MEGF11: variants seen among roughly 807,000 people sequenced by gnomAD.
The protein encoded by MEGF11 is multiple EGF like domains 11.
In MEGF11, 126 loss-of-function variants were observed where a neutral mutation model predicts 146.6. That is an observed-to-expected ratio of 0.86 (90% CI 0.74 to 1.00). The LOEUF is 1.00. MEGF11 is among the 50% of genes least tolerant of loss of function. The probability of loss-of-function intolerance (pLI) is 0.00; values close to 1 mark genes in which losing one functional copy is unlikely to be tolerated. For missense variants in MEGF11, 1,509 were observed against 1,521.2 expected, an observed-to-expected ratio of 0.99 and a Z score of 0.13; for synonymous variants, 532 against 583.4, an observed-to-expected ratio of 0.91 and a Z score of 1.27.
At chr15:66,055,860 G>A (rs1270572607) in intron 5 of MEGF11, among the ~76,000 whole-genome samples, 2 of 152,116 alleles carry the variant, frequency 1.3e-5, no homozygotes, top group Non-Finnish European at 2.9e-5. Flanking sequence ...CATCTCTCTC[G>A]TAGAGACTGG....
At chr15:65,935,304 A>C (rs1253632143) in intron 10 of MEGF11, among the ~76,000 whole-genome samples, 1 of 127,796 alleles carries the variant, frequency 7.8e-6, no homozygotes, top group Non-Finnish European at 1.6e-5. Flanking sequence ...TGGGTGACAG[A>C]GCGAGACTCC....
chr15:66,188,244 T>TGA (rs2090766098), intron 1 of MEGF11, among the ~76,000 whole-genome samples: 1 of 152,058 alleles, frequency 6.6e-6, no homozygotes, highest in Admixed American at 6.6e-5. Flanking sequence ...TATATATATA[T>TGA]GAGAGAGAGA....
At chr15:65,986,703 A>G (rs1265163233) in intron 5 of MEGF11, among the ~76,000 whole-genome samples, 2 of 151,532 alleles carry the variant, frequency 1.3e-5, no homozygotes, top group East Asian at 1.9e-4. Context: ...ACTCTTACCA[A>G]TTTGGCCTTG....
chr15:66,093,155 T>G (rs1039589315), intron 5 of MEGF11, among the ~76,000 whole-genome samples: 27 of 151,556 alleles, frequency 1.8e-4, no homozygotes, highest in African/African-American at 6.3e-4. Flanking sequence ...CATTAGGGGG[T>G]TTCTTGGATA....
Position 65,898,836 on chromosome 15 carries a change from T to C in MEGF11, c.3154A>G (p.Lys1052Glu). 2 of 1,614,028 alleles carry C rather than the reference T, an allele frequency of 1.2e-6. No individual in the cohort carries two copies. Among genetic ancestry groups the C allele is most frequent in the Non-Finnish European group, 1.7e-6 (2 of 1,179,882 alleles). The change falls in exon 25 of 26, where the codon AAG becomes GAG. Residue 1052 changes from lysine to glutamate, a missense_variant. By Grantham distance (56) the Lys-to-Glu change is moderately conservative (BLOSUM62 1). Transcript: ENST00000395614. ...TIKDPPILTC[K>E]LPESSYVEMK... is the part of the protein sequence containing the mutation. The stretch of plus-strand genomic sequence containing the variant: ...TCTACATAGCTGCTTTCTGGAAGCT[T>C]GCAGGTGAGGATGGGTGGGTCCTTA...
intron 1 of MEGF11, among the ~76,000 whole-genome samples, chr15:66,208,076 CTG>C (rs1435786123): frequency 6.8e-6 from 1 of 147,032 alleles, no homozygotes; most frequent in Admixed American, 6.8e-5. Context: ...CAGAGTGAGA[CTG>C]TGCCTCAGAA....
At chr15:65,954,081 G>A (rs147912968) in intron 10 of MEGF11, among the ~76,000 whole-genome samples, 1,646 of 152,194 alleles carry the variant, frequency 0.011, 33 homozygotes, top group African/African-American at 0.038. Flanking sequence ...TCCTCCCATC[G>A]TTCAGATAGG....
intron 5 of MEGF11, among the ~76,000 whole-genome samples, chr15:66,073,317 G>A (rs368088344): frequency 7.9e-5 from 12 of 152,194 alleles, no homozygotes; most frequent in African/African-American, 2.9e-4. Context: ...GATGGGCGGT[G>A]GAAGTGGCTG....
intron 1 of MEGF11, among the ~76,000 whole-genome samples, chr15:66,162,825 A>G (rs2089989128): frequency 6.6e-6 from 1 of 152,208 alleles, no homozygotes; most frequent in Non-Finnish European, 1.5e-5. Context: ...AAAGTAAGAA[A>G]AAATTTTTTC....
chr15:66,042,329 C>T (rs574029101), intron 5 of MEGF11, among the ~76,000 whole-genome samples: 137 of 152,152 alleles, frequency 9.0e-4, no homozygotes, highest in Non-Finnish European at 1.6e-3. Flanking sequence ...AGGCTAGTCT[C>T]GAACTCCTGG....
intron 5 of MEGF11, among the ~76,000 whole-genome samples, chr15:66,049,314 G>A: frequency 6.6e-6 from 1 of 152,184 alleles, no homozygotes; most frequent in South Asian, 2.1e-4. Flanking sequence ...CGTACCTGGG[G>A]CTCCTGGGTC....
chr15:65,937,939 C>T (rs895045816), intron 10 of MEGF11, among the ~76,000 whole-genome samples: 1 of 152,228 alleles, frequency 6.6e-6, no homozygotes, highest in African/African-American at 2.4e-5. Context: ...AGCTGGGAAC[C>T]ACTGGCTATG....
chr15:66,229,494 T>C (rs8038807), intron 1 of MEGF11, among the ~76,000 whole-genome samples: 42,523 of 152,152 alleles, frequency 0.28, 6,351 homozygotes, highest in Non-Finnish European at 0.35. Context: ...TCTCTTGGCT[T>C]ACATGTTTTC....
intron 5 of MEGF11, among the ~76,000 whole-genome samples, chr15:66,088,322 A>C (rs969009701): frequency 2.6e-5 from 4 of 152,218 alleles, no homozygotes; most frequent in Admixed American, 1.3e-4. Flanking sequence ...ATTCATTCTA[A>C]AGCCAGCATC....
chr15:66,038,823 C>T (rs909591009), intron 5 of MEGF11, among the ~76,000 whole-genome samples: 1 of 152,178 alleles, frequency 6.6e-6, no homozygotes, highest in Non-Finnish European at 1.5e-5. Flanking sequence ...TCACCTGGGT[C>T]TCACTGGCAT....
At chr15:66,097,737 C>A in intron 4 of MEGF11, among the ~76,000 whole-genome samples, 1 of 99,096 alleles carries the variant, frequency 1.0e-5, no homozygotes. Context: ...AGCGAGACTC[C>A]ATCTCAAAAA....
intron 1 of MEGF11, among the ~76,000 whole-genome samples, chr15:66,200,967 G>A (rs779190219): frequency 6.6e-6 from 1 of 151,980 alleles, no homozygotes; most frequent in Non-Finnish European, 1.5e-5. Flanking sequence ...GAAGTATTCA[G>A]ACACGAGCCC....
At chr15:66,134,473 G>A (rs889931788) in intron 1 of MEGF11, among the ~76,000 whole-genome samples, 1 of 151,926 alleles carries the variant, frequency 6.6e-6, no homozygotes, top group Non-Finnish European at 1.5e-5. Flanking sequence ...CTCCCCACCC[G>A]CAATCTGCCC....
At chr15:66,014,373 G>A (rs1458798362) in intron 5 of MEGF11, among the ~76,000 whole-genome samples, 1 of 152,218 alleles carries the variant, frequency 6.6e-6, no homozygotes, top group Non-Finnish European at 1.5e-5. Flanking sequence ...ATTCGATCCA[G>A]TATACAGGAG....
Sources: allele counts gnomAD v4.1 joint callset (sites outside exome capture counted in the v4.1 genomes callset), GRCh38; gene constraint gnomAD v4.1.1; transcripts MANE v1.5; gene names NCBI Gene and HGNC (gene_info 2026-07-23, HGNC 2026-07-21).